Variants in PTPRR observed in about 807,000 individuals in gnomAD.
The protein encoded by PTPRR is protein tyrosine phosphatase receptor type R, also known as receptor-type tyrosine-protein phosphatase R.
PTPRR carries 38 observed loss-of-function variants against 77.2 expected under a neutral mutation model. That is an observed-to-expected ratio of 0.49 (90% confidence interval 0.38 to 0.65). The LOEUF is 0.65. Among genes scored for constraint, PTPRR ranks in the 30% least tolerant of loss-of-function variants. The probability of loss-of-function intolerance (pLI) is 0.00; values close to 1 mark genes in which losing one functional copy is unlikely to be tolerated. For synonymous variants in PTPRR, 299 were observed against 283.1 expected, an observed-to-expected ratio of 1.06 and a Z score of -0.57; for missense variants, 744 against 799.2, an observed-to-expected ratio of 0.93 and a Z score of 0.83.
intron 2 of PTPRR, among the ~76,000 whole-genome samples, chr12:70,855,977 T>C (rs1031594717): frequency 5.9e-5 from 9 of 152,068 alleles, no homozygotes; most frequent in African/African-American, 1.9e-4. Context: ...TAGAAGAAAA[T>C]TGTCACCCAA....
chr12:70,700,063 A>C (rs1351349998), intron 7 of PTPRR, among the ~76,000 whole-genome samples: 1 of 152,152 alleles, frequency 6.6e-6, no homozygotes, highest in East Asian at 1.9e-4. Context: ...TTGTTCTTTC[A>C]TTCCTACAGG....
chr12:70,842,957 C>T (rs1892421637), intron 2 of PTPRR, among the ~76,000 whole-genome samples: 2 of 152,176 alleles, frequency 1.3e-5, no homozygotes, highest in African/African-American at 4.8e-5. Context: ...AATTCTAGAA[C>T]ATTTTGTGCA....
chr12:70,809,494 A>G (rs956581662), intron 2 of PTPRR, among the ~76,000 whole-genome samples: 1 of 152,182 alleles, frequency 6.6e-6, no homozygotes, highest in Non-Finnish European at 1.5e-5. Context: ...AATATGCATT[A>G]TTAAGAACTA....
chr12:70,697,853 A>C (rs868701188), intron 8 of PTPRR, among the ~76,000 whole-genome samples: 1 of 152,176 alleles, frequency 6.6e-6, no homozygotes, highest in South Asian at 2.1e-4. Flanking sequence ...AATGTGTGGC[A>C]CAACAAAATT....
chr12:70,911,165 C>T (rs979556380), intron 1 of PTPRR, among the ~76,000 whole-genome samples: 1 of 152,184 alleles, frequency 6.6e-6, no homozygotes, highest in Non-Finnish European at 1.5e-5. Flanking sequence ...CCTTTACATT[C>T]AAACACCCCT....
intron 2 of PTPRR, among the ~76,000 whole-genome samples, chr12:70,801,386 T>A (rs2137020327): frequency 6.6e-6 from 1 of 152,258 alleles, no homozygotes; most frequent in Non-Finnish European, 1.5e-5. Context: ...AATGAGTAAA[T>A]AAGATTGCCT....
intron 2 of PTPRR, among the ~76,000 whole-genome samples, chr12:70,890,827 C>T (rs1193887526): frequency 6.6e-6 from 1 of 152,072 alleles, no homozygotes; most frequent in East Asian, 1.9e-4. Flanking sequence ...AGAATATATC[C>T]CTTGCTTCCT....
rs543486927 is a variant in PTPRR at position 70,911,584 on chromosome 12, TGATGCTA to T, written c.58+8742_58+8748del. On this transcript the variant is annotated intron_variant, in intron 1 of 13. Coordinates refer to ENST00000283228, the MANE Select transcript of PTPRR (RefSeq NM_002849.4). ...ATTTAAGTAGAACTTGCTGAAGACA[TGATGCTA>T]GAATTCATGTTTAGATGAAACTTTT... Among the ~76,000 whole-genome samples, 155 of 152,280 alleles carry T rather than the reference TGATGCTA, an allele frequency of 1.0e-3. 1 individual carries two copies. Among genetic ancestry groups the T allele is most frequent in the African/African-American group, 3.4e-3 (140 of 41,562 alleles).
At chr12:70,721,294 T>C (rs2136847585) in intron 6 of PTPRR, among the ~76,000 whole-genome samples, 1 of 152,278 alleles carries the variant, frequency 6.6e-6, no homozygotes, top group South Asian at 2.1e-4. Flanking sequence ...TGCACATATA[T>C]AAAACTTCTG....
chr12:70,705,165 A>T (rs1026721799), intron 6 of PTPRR, among the ~76,000 whole-genome samples: 3 of 152,152 alleles, frequency 2.0e-5, no homozygotes, highest in Admixed American at 2.0e-4. Context: ...CGACACATCC[A>T]TTTCAGCAAG....
chr12:70,765,703 GCCT>G (rs1436407986), intron 2 of PTPRR, among the ~76,000 whole-genome samples: 1 of 152,214 alleles, frequency 6.6e-6, no homozygotes, highest in Non-Finnish European at 1.5e-5. Flanking sequence ...CGGGTAGACT[GCCT>G]CCTCAAGTGG....
chr12:70,678,382 C>T (rs936132336), intron 10 of PTPRR, among the ~76,000 whole-genome samples: 12 of 152,064 alleles, frequency 7.9e-5, no homozygotes, highest in Admixed American at 6.6e-4. Flanking sequence ...CACTCATTAG[C>T]GTTTTCAGAT....
chr12:70,689,316 C>T (rs1423439710), intron 8 of PTPRR, among the ~76,000 whole-genome samples: 1 of 151,926 alleles, frequency 6.6e-6, no homozygotes, highest in African/African-American at 2.4e-5. Context: ...CTGTTATTTT[C>T]AATTAAAAAT....
At chr12:70,851,253 T>TAATG (rs1165059545) in intron 2 of PTPRR, among the ~76,000 whole-genome samples, 1 of 152,176 alleles carries the variant, frequency 6.6e-6, no homozygotes, top group African/African-American at 2.4e-5. Context: ...CTGACTCTAA[T>TAATG]AATGACCCTC....
chr12:70,658,486 T>C (rs933736994), intron 12 of PTPRR, among the ~76,000 whole-genome samples: 3 of 152,212 alleles, frequency 2.0e-5, no homozygotes, highest in African/African-American at 7.2e-5. Flanking sequence ...ATTGGAACTG[T>C]GCCCCATGAA....
At chr12:70,799,375 C>A (rs987638544) in intron 2 of PTPRR, among the ~76,000 whole-genome samples, 1 of 152,130 alleles carries the variant, frequency 6.6e-6, no homozygotes, top group African/African-American at 2.4e-5. Flanking sequence ...TTAAAATTTT[C>A]AATTGAGCTC....
chr12:70,913,469 G>A (rs1188085580), intron 1 of PTPRR, among the ~76,000 whole-genome samples: 2 of 152,088 alleles, frequency 1.3e-5, no homozygotes, highest in African/African-American at 2.4e-5. Context: ...TCAGGGTTAG[G>A]AGTTCCGGGT....
chr12:70,805,915 T>G (rs1428898573), intron 2 of PTPRR, among the ~76,000 whole-genome samples: 2 of 152,242 alleles, frequency 1.3e-5, no homozygotes, highest in African/African-American at 4.8e-5. Context: ...ATTATGTATA[T>G]GTATTTCATA....
intron 2 of PTPRR, among the ~76,000 whole-genome samples, chr12:70,784,054 G>A (rs1592755496): frequency 8.0e-6 from 1 of 125,672 alleles, no homozygotes; most frequent in South Asian, 2.3e-4. Flanking sequence ...ATGCAGGGAT[G>A]CCTGGGTCTG....
Sources: gnomAD v4.1 joint callset for allele counts (sites outside exome capture counted in the v4.1 genomes callset) on GRCh38, gnomAD v4.1.1 for gene constraint, MANE v1.5 for transcripts, NCBI Gene and HGNC (gene_info 2026-07-23, HGNC 2026-07-21) for gene names.